The following CYP4X1 variants were observed in gnomAD, a reference collection of about 807,000 sequenced individuals.
CYP4X1 encodes the protein cytochrome P450 4X1.
A neutral mutation model predicts 57.9 loss-of-function variants in CYP4X1; 44 were observed. The ratio of observed to expected loss-of-function variants is 0.76; its 90% CI spans 0.60 to 0.98. The LOEUF is 0.98. CYP4X1 is among the 50% of genes least tolerant of loss of function. The pLI is 0.00. For missense variants in CYP4X1, 532 were observed against 623.9 expected (o/e 0.85, Z 1.57); for synonymous variants, 227 against 228.6 (o/e 0.99, Z 0.06).
At chr1:47,000,069 T>A in the CYP4X1 span, among the ~76,000 whole-genome samples, 2 of 152,126 alleles carry the variant, frequency 1.3e-5, no homozygotes, top group Non-Finnish European at 2.9e-5. Context: ...GTAATCCCCA[T>A]GTGTCAAGGA....
intron 1 of CYP4X1, among the ~76,000 whole-genome samples, chr1:47,029,234 C>A (rs561201286): frequency 6.6e-6 from 1 of 152,296 alleles, no homozygotes; most frequent in Non-Finnish European, 1.5e-5. Flanking sequence ...AGGTGCCCTC[C>A]ACTTTACACA....
chr1:46,998,979 T>C, the CYP4X1 span, among the ~76,000 whole-genome samples: 2 of 151,922 alleles, frequency 1.3e-5, no homozygotes, highest in Non-Finnish European at 1.5e-5. Context: ...TATAGCCTTG[T>C]AGTAGAATTT....
intron 4 of CYP4X1, among the ~76,000 whole-genome samples, chr1:47,035,374 A>G (rs1388482705): frequency 6.6e-6 from 1 of 152,036 alleles, no homozygotes; most frequent in Non-Finnish European, 1.5e-5. Context: ...AAATGTTCTG[A>G]GTTTATTTTA....
chr1:47,006,566 G>C, the CYP4X1 span, among the ~76,000 whole-genome samples: 1 of 152,154 alleles, frequency 6.6e-6, no homozygotes, highest in African/African-American at 2.4e-5. Context: ...TCTCACTGGG[G>C]AGTGTCAGAG....
intron 9 of CYP4X1, among the ~76,000 whole-genome samples, chr1:47,048,353 T>C (rs1283637800): frequency 1.3e-5 from 2 of 152,160 alleles, no homozygotes; most frequent in Non-Finnish European, 2.9e-5. Flanking sequence ...TAAGATAGAA[T>C]CATGAATTCA....
chr1:47,027,177 T>C (rs1201373451), intron 1 of CYP4X1, among the ~76,000 whole-genome samples: 1 of 152,192 alleles, frequency 6.6e-6, no homozygotes, highest in Admixed American at 6.5e-5. Flanking sequence ...TCACTAAGTT[T>C]TTTTTTTTCT....
At chr1:47,038,587 T>C (rs753131065) in intron 6 of CYP4X1, 73 bp from the exon 7 acceptor site, 40 of 1,184,352 alleles carry the variant, frequency 3.4e-5, no homozygotes, top group Non-Finnish European at 4.3e-5. Context: ...AGCTATTCAC[T>C]AACCATGGCT....
chr1:46,963,350 G>T, the CYP4X1 span, among the ~76,000 whole-genome samples: 1 of 151,950 alleles, frequency 6.6e-6, no homozygotes, highest in South Asian at 2.1e-4. Context: ...TCCTAGCATT[G>T]ATGGTCTTTA....
At chr1:47,016,883 T>C in the CYP4X1 span, among the ~76,000 whole-genome samples, 1 of 152,226 alleles carries the variant, frequency 6.6e-6, no homozygotes, top group Non-Finnish European at 1.5e-5. Context: ...CTGGTAATTA[T>C]CCTTCTATTC....
chr1:46,979,648 A>G, the CYP4X1 span, among the ~76,000 whole-genome samples: 1 of 152,220 alleles, frequency 6.6e-6, no homozygotes, highest in African/African-American at 2.4e-5. Context: ...TCATCCTGAT[A>G]CCAAAGCCTG....
chr1:47,001,309 T>C, the CYP4X1 span, among the ~76,000 whole-genome samples: 32 of 152,236 alleles, frequency 2.1e-4, no homozygotes, highest in African/African-American at 6.8e-4. Context: ...GGACAGGGCC[T>C]GGGCTCTAAG....
the CYP4X1 span, among the ~76,000 whole-genome samples, chr1:46,993,187 G>GT: frequency 1.3e-5 from 2 of 149,750 alleles, no homozygotes; most frequent in African/African-American, 4.9e-5. Flanking sequence ...GCGGTGTTTG[G>GT]TTTTTTGTCC....
the CYP4X1 span, among the ~76,000 whole-genome samples, chr1:46,980,002 C>G: frequency 6.6e-6 from 1 of 152,138 alleles, no homozygotes; most frequent in African/African-American, 2.4e-5. Context: ...CTATTTATGA[C>G]AAACCCACAG....
chr1:47,053,803 A>G (rs377515563), downstream of CYP4X1, among the ~76,000 whole-genome samples: 48 of 152,246 alleles, frequency 3.2e-4, 1 homozygote, highest in East Asian at 6.8e-3. Flanking sequence ...AGTTCATTGT[A>G]GATTCTGGAT....
the CYP4X1 span, among the ~76,000 whole-genome samples, chr1:46,969,006 C>T: frequency 2.0e-4 from 30 of 152,120 alleles, no homozygotes; most frequent in Admixed American, 7.2e-4. Flanking sequence ...GCTGTTGGTC[C>T]CCTCCAAATC....
At chr1:47,041,206 A>G (rs1452568144) in intron 8 of CYP4X1, among the ~76,000 whole-genome samples, 1 of 152,100 alleles carries the variant, frequency 6.6e-6, no homozygotes, top group Non-Finnish European at 1.5e-5. Flanking sequence ...TGGACACTTA[A>G]GTTGATTTCT....
chr1:47,045,097 T>C (rs556932992), intron 8 of CYP4X1, among the ~76,000 whole-genome samples: 1 of 152,292 alleles, frequency 6.6e-6, no homozygotes, highest in African/African-American at 2.4e-5. Flanking sequence ...AGTGCTGGGA[T>C]TGCAGGTGTG....
the CYP4X1 span, among the ~76,000 whole-genome samples, chr1:47,010,337 A>G: frequency 6.6e-6 from 1 of 152,222 alleles, no homozygotes; most frequent in East Asian, 1.9e-4. Flanking sequence ...TAAATGCAGA[A>G]AAGGCCTTTG....
chr1:47,049,905 T>C (rs1644343781), intron 11 of CYP4X1, 95 bp from the exon 12 acceptor site: 3 of 1,260,008 alleles, frequency 2.4e-6, no homozygotes, highest in East Asian at 4.7e-5. Context: ...AATATCACTT[T>C]ACTGTGTACT....
Sources: allele counts gnomAD v4.1 joint callset (sites outside exome capture counted in the v4.1 genomes callset), GRCh38; gene constraint gnomAD v4.1.1; transcripts MANE v1.5; gene names NCBI Gene and HGNC (gene_info 2026-07-23, HGNC 2026-07-21).